TIPRL: variants seen among roughly 807,000 people sequenced by gnomAD.
TIPRL encodes the protein TOR signaling pathway regulator, also known as TIP41-like protein.
TIPRL carries 10 observed loss-of-function variants against 32.3 expected under a neutral mutation model. That is an observed-to-expected ratio of 0.31 (90% CI 0.19 to 0.52). The LOEUF is 0.52. Ranked by LOEUF, TIPRL falls within the 20% of genes least tolerant of loss-of-function variation. The probability of loss-of-function intolerance (pLI) is 0.96; values close to 1 mark genes in which losing one functional copy is unlikely to be tolerated. For missense variants in TIPRL, 250 were observed against 328.1 expected, an observed-to-expected ratio of 0.76 and a Z score of 1.84; for synonymous variants, 100 against 114.0, an observed-to-expected ratio of 0.88 and a Z score of 0.78.
chr1:168,180,583 G>C (rs1699948181), intron 1 of TIPRL, among the ~76,000 whole-genome samples: 2 of 152,172 alleles, frequency 1.3e-5, no homozygotes, highest in African/African-American at 4.8e-5. Context: ...AACCCTAAGT[G>C]AGTACTTGCA....
Position 168,178,969 on chromosome 1 carries a change from C to A in TIPRL, c.-109C>A. On this transcript the variant is annotated 5_prime_UTR_variant, in exon 1 of 7. Coordinates refer to ENST00000367833, the MANE Select transcript of TIPRL (RefSeq NM_152902.5). ...CAGGGGGCGGGGCCGGGCATGGTAA[C>A]GGCTCGGAAGCCTAGGAGGCTGGGC... 1.0e-6 allele frequency: 1 copy of A among 964,818 alleles called. No homozygotes were observed. Among genetic ancestry groups the A allele is most frequent in the East Asian group, 2.9e-5 (1 of 34,136 alleles). 59.8% of individuals were successfully genotyped at this position (964,818 alleles called of 1,614,324 possible).
In TIPRL at chr1:168,196,530, T is replaced by C. The variant is rs1572436904; in HGVS notation, c.517-17T>C. On this transcript the variant is annotated splice_polypyrimidine_tract_variant and intron_variant, in intron 4 of 6. Coordinates refer to ENST00000367833, the MANE Select transcript of TIPRL (RefSeq NM_152902.5). ...ATTTTTATTAAAATATTAATGTACCTTTTTTTTTTTTTCCAGAGAGTAATG... is the reference window on the plus strand; with the variant it reads ...ATTTTTATTAAAATATTAATGTACCCTTTTTTTTTTTTCCAGAGAGTAATG... 3 of 180,860 alleles carry C rather than the reference T, an allele frequency of 1.7e-5. No individual in the cohort carries two copies. Among genetic ancestry groups the C allele is most frequent in the Non-Finnish European group, 2.0e-5 (3 of 147,926 alleles). 11.2% of individuals were successfully genotyped at this position (180,860 alleles called of 1,614,324 possible).
intron 3 of TIPRL, among the ~76,000 whole-genome samples, chr1:168,188,204 A>G (rs1465745311): frequency 6.6e-6 from 1 of 152,202 alleles, no homozygotes; most frequent in South Asian, 2.1e-4. Flanking sequence ...GTTCTGGGTT[A>G]TGACATCTAG....
intron 4 of TIPRL, chr1:168,192,180 A>C: frequency 6.7e-7 from 1 of 1,483,980 alleles, no homozygotes; most frequent in Non-Finnish European, 9.0e-7. Context: ...ATTTCAGTGC[A>C]TCATTCAACT....
chr1:168,181,193 T>G (rs1226710772), intron 1 of TIPRL, among the ~76,000 whole-genome samples: 2 of 151,544 alleles, frequency 1.3e-5, no homozygotes, highest in Non-Finnish European at 2.9e-5. Flanking sequence ...TTTTCTTTTC[T>G]TTTCTTTTTT....
chr1:168,191,069 AT>A (rs779667994), intron 3 of TIPRL, among the ~76,000 whole-genome samples: 6 of 152,192 alleles, frequency 3.9e-5, no homozygotes, highest in Non-Finnish European at 8.8e-5. Flanking sequence ...TGTTTAGTTG[AT>A]TAATTTTCTC....
chr1:168,185,542 G>A (rs887722687), intron 3 of TIPRL, among the ~76,000 whole-genome samples: 4 of 151,834 alleles, frequency 2.6e-5, no homozygotes, highest in African/African-American at 9.7e-5. Context: ...AGAGGCCGAG[G>A]CAGGCAGATC....
At position 168,195,728 on chromosome 1, in the gene TIPRL, G is replaced by A. The variant is rs140534152; in HGVS notation, c.517-819G>A. On this transcript the variant is annotated intron_variant, in intron 4 of 6. Coordinates refer to ENST00000367833, the MANE Select transcript of TIPRL (RefSeq NM_152902.5). The stretch of plus-strand genomic sequence containing the variant: ...GCTAGGACTACAGGCTTGTGCCACC[G>A]TGCTTTGCTAATTTTTTGTATTTTT... Among the ~76,000 whole-genome samples the A allele has an allele frequency of 5.9e-3, 896 of 151,990 alleles. 8 individuals carry two copies. The highest frequency in any genetic ancestry group is 0.021 in the African/African-American group (856 of 41,460).
intron 1 of TIPRL, among the ~76,000 whole-genome samples, chr1:168,181,516 C>T (rs187878603): frequency 6.6e-6 from 1 of 151,338 alleles, no homozygotes; most frequent in Admixed American, 6.6e-5. Flanking sequence ...CCGGCCTCCT[C>T]TCCATATAAC....
chr1:168,196,786 T>A (rs373560395), intron 5 of TIPRL, 144 bp downstream of exon 5: 1 of 471,544 alleles, frequency 2.1e-6, no homozygotes, highest in Non-Finnish European at 3.6e-6. Context: ...TCACATTCAC[T>A]GTTGACTGCA....
At chr1:168,196,479 C>A (rs1036898142) in intron 4 of TIPRL, 68 bp from the exon 5 acceptor site, 11 of 1,152,444 alleles carry the variant, frequency 9.5e-6, no homozygotes, top group East Asian at 2.9e-5. Context: ...CAAATTTTTT[C>A]TTTCAGCAAA....
chr1:168,180,077 G>A (rs949202932), intron 1 of TIPRL, among the ~76,000 whole-genome samples: 8 of 152,166 alleles, frequency 5.3e-5, no homozygotes, highest in African/African-American at 1.9e-4. Context: ...TTATCCAAAG[G>A]AGCTGCATTA....
intron 5 of TIPRL, among the ~76,000 whole-genome samples, chr1:168,198,053 TATAAA>T (rs1041647156): frequency 6.6e-6 from 1 of 152,130 alleles, no homozygotes; most frequent in Non-Finnish European, 1.5e-5. Context: ...ATCCATATGG[TATAAA>T]ATATATAATT....
At chr1:168,188,680 G>A (rs1281634186) in intron 3 of TIPRL, among the ~76,000 whole-genome samples, 3 of 152,084 alleles carry the variant, frequency 2.0e-5, no homozygotes, top group African/African-American at 2.4e-5. Flanking sequence ...TACTGGGCCT[G>A]CAGATAAGAA....
chr1:168,180,911 G>A (rs1378524783), intron 1 of TIPRL, among the ~76,000 whole-genome samples: 2 of 147,148 alleles, frequency 1.4e-5, no homozygotes, highest in South Asian at 2.1e-4. Flanking sequence ...TGATCTGTCC[G>A]CCTTGGCCCC....
At chr1:168,180,253 A>T (rs183314827) in intron 1 of TIPRL, among the ~76,000 whole-genome samples, 1 of 152,210 alleles carries the variant, frequency 6.6e-6, no homozygotes, top group African/African-American at 2.4e-5. Context: ...GGAAGAGTCT[A>T]TGCTGATGAC....
chr1:168,188,642 C>A (rs1336409106), intron 3 of TIPRL, among the ~76,000 whole-genome samples: 5 of 151,980 alleles, frequency 3.3e-5, no homozygotes, highest in Admixed American at 1.3e-4. Flanking sequence ...AGTTTGCCTG[C>A]CTTGGTCTAG....
chr1:168,190,752 C>T (rs1387770945), intron 3 of TIPRL, among the ~76,000 whole-genome samples: 1 of 152,134 alleles, frequency 6.6e-6, no homozygotes, highest in Non-Finnish European at 1.5e-5. Context: ...ACTGTTGATG[C>T]TTTTGTTGGA....
rs1319771750 is a variant in TIPRL at position 168,200,088 on chromosome 1, A to G, written c.*42A>G. On this transcript the variant is annotated 3_prime_UTR_variant, in exon 7 of 7. Transcript: ENST00000367833. Reference sequence around the variant, plus strand: ...TACTCACTATGGAATCTGACTGGACACCTTGGCTATTTGTAAGGGGTTATT... The same window carrying G: ...TACTCACTATGGAATCTGACTGGACGCCTTGGCTATTTGTAAGGGGTTATT... 6.3e-7 allele frequency: 1 copy of G among 1,591,898 alleles called. No individual in the cohort carries two copies. The highest frequency in any genetic ancestry group is 2.3e-5 in the East Asian group (1 of 44,258).
Sources: gnomAD v4.1 joint callset for allele counts (sites outside exome capture counted in the v4.1 genomes callset) on GRCh38, gnomAD v4.1.1 for gene constraint, MANE v1.5 for transcripts, NCBI Gene and HGNC (gene_info 2026-07-23, HGNC 2026-07-21) for gene names.